Variants in CSMD3 observed in about 807,000 individuals in gnomAD.
CSMD3 encodes the protein CUB and Sushi multiple domains 3.
In CSMD3, 177 loss-of-function variants were observed where a neutral mutation model predicts 435.2. That is an observed-to-expected ratio of 0.41 (90% CI 0.36 to 0.46). The LOEUF (loss-of-function observed/expected upper bound fraction) is 0.46. CSMD3 is among the 20% of genes least tolerant of loss of function. The pLI is 0.34. For synonymous variants in CSMD3, 1,656 were observed against 1,520.5 expected, an observed-to-expected ratio of 1.09 and a Z score of -2.07; for missense variants, 4,265 against 4,504.6, an observed-to-expected ratio of 0.95 and a Z score of 1.52.
intron 3 of CSMD3, among the ~76,000 whole-genome samples, chr8:113,221,649 T>C (rs1032991981): frequency 2.0e-5 from 3 of 151,176 alleles, no homozygotes; most frequent in Non-Finnish European, 4.4e-5. Flanking sequence ...TTTTGCTGAG[T>C]TTTAGCAAGC....
intron 3 of CSMD3, among the ~76,000 whole-genome samples, chr8:113,275,085 T>C (rs1275123627): frequency 6.6e-6 from 1 of 152,122 alleles, no homozygotes; most frequent in Non-Finnish European, 1.5e-5. Context: ...ACCATCATGA[T>C]ACTATCAATA....
chr8:113,356,799 C>A (rs2094232256), intron 1 of CSMD3, among the ~76,000 whole-genome samples: 1 of 152,042 alleles, frequency 6.6e-6, no homozygotes, highest in African/African-American at 2.4e-5. Flanking sequence ...ATGACATCTA[C>A]TTAGGAGTTA....
intron 12 of CSMD3, among the ~76,000 whole-genome samples, chr8:112,811,417 C>G (rs1362266534): frequency 2.1e-5 from 3 of 140,034 alleles, no homozygotes; most frequent in Admixed American, 1.5e-4. Flanking sequence ...AAAACACTTA[C>G]AAGTTTTACA....
chr8:113,228,171 G>C (rs1393207565), intron 3 of CSMD3, among the ~76,000 whole-genome samples: 1 of 151,316 alleles, frequency 6.6e-6, no homozygotes, highest in Non-Finnish European at 1.5e-5. Flanking sequence ...AAATAAAGAA[G>C]GTTTTCCTGT....
At chr8:113,223,326 T>C (rs2092991201) in intron 3 of CSMD3, among the ~76,000 whole-genome samples, 1 of 150,466 alleles carries the variant, frequency 6.6e-6, no homozygotes, top group Non-Finnish European at 1.5e-5. Context: ...TGTTCTGATA[T>C]AAAATAATAT....
chr8:113,292,519 C>T (rs1281224122), intron 2 of CSMD3, among the ~76,000 whole-genome samples: 1 of 151,594 alleles, frequency 6.6e-6, no homozygotes, highest in Non-Finnish European at 1.5e-5. Context: ...GTAAATTGGA[C>T]AATTATATGC....
chr8:112,305,078 CT>C (rs1821295359), intron 51 of CSMD3, among the ~76,000 whole-genome samples, 163 bp from the exon 52 acceptor site: 1 of 152,142 alleles, frequency 6.6e-6, no homozygotes, highest in East Asian at 1.9e-4. Context: ...TTCCATTCCC[CT>C]AGCTATATGG....
intron 9 of CSMD3, among the ~76,000 whole-genome samples, chr8:112,932,634 A>T (rs2083149875): frequency 6.6e-6 from 1 of 152,032 alleles, no homozygotes; most frequent in African/African-American, 2.4e-5. Flanking sequence ...CGAGAAAAAA[A>T]AAAGAAAAAA....
chr8:113,207,498 T>C (rs112951884), intron 3 of CSMD3, among the ~76,000 whole-genome samples: 9,999 of 151,896 alleles, frequency 0.066, 445 homozygotes, highest in Non-Finnish European at 0.094. Flanking sequence ...TTCTGCTGCC[T>C]CAGCCTCCCA....
rs2130159147 is a variant in CSMD3, at chr8:113,436,847, C to T, written c.8G>A (p.Gly3Glu). 1.2e-6 allele frequency: 2 copies of T among 1,614,068 alleles called. No homozygotes were observed. Among genetic ancestry groups the T allele is most frequent in the Non-Finnish European group, 1.7e-6 (2 of 1,180,038 alleles). Reference sequence around the variant, plus strand: ...TGCTCGGCTTTCCCCTTTGCGGATCCCTTTCATATTATTCGCGAGCTCCTA... The same window carrying T: ...TGCTCGGCTTTCCCCTTTGCGGATCTCTTTCATATTATTCGCGAGCTCCTA... MKGIRKGESRAKE... is the reference protein window; with the variant it reads MKEIRKGESRAKE... Residue 3 changes from glycine (G) to glutamate (E), a missense_variant, in exon 1 of 71, where the codon GGG becomes GAG. Gly to Glu is a moderately conservative substitution (Grantham distance 98). Coordinates refer to ENST00000297405, the MANE Select transcript of CSMD3 (RefSeq NM_198123.2).
At chr8:112,951,472 T>G (rs1255626178) in intron 8 of CSMD3, among the ~76,000 whole-genome samples, 1 of 151,790 alleles carries the variant, frequency 6.6e-6, no homozygotes, top group African/African-American at 2.4e-5. Flanking sequence ...ACATTGTCAC[T>G]TTTCTCAGAT....
chr8:113,377,564 C>A (rs143929843), intron 1 of CSMD3, among the ~76,000 whole-genome samples: 1 of 152,074 alleles, frequency 6.6e-6, no homozygotes. Context: ...ATTTTTAATC[C>A]AAAGAAGGTA....
At chr8:112,425,217 A>C (rs1034425326) in intron 32 of CSMD3, among the ~76,000 whole-genome samples, 7 of 152,332 alleles carry the variant, frequency 4.6e-5, no homozygotes, top group African/African-American at 1.7e-4. Context: ...GACATCCTGA[A>C]AAGCTTTGTG....
chr8:112,305,493 G>C (rs1821339071), intron 51 of CSMD3, among the ~76,000 whole-genome samples: 1 of 151,874 alleles, frequency 6.6e-6, no homozygotes, highest in Non-Finnish European at 1.5e-5. Flanking sequence ...ATCTTTACCA[G>C]AATTAATGTC....
At chr8:112,959,782 G>C (rs28481615) in intron 7 of CSMD3, among the ~76,000 whole-genome samples, 19,765 of 151,798 alleles carry the variant, frequency 0.13, 2,312 homozygotes, top group African/African-American at 0.31. Context: ...TTGAGAAAGT[G>C]GCACATATCA....
At chr8:113,320,285 AAATT>A (rs1284913855) in intron 1 of CSMD3, among the ~76,000 whole-genome samples, 2 of 152,070 alleles carry the variant, frequency 1.3e-5, no homozygotes, top group Non-Finnish European at 2.9e-5. Context: ...TGTGCACTTA[AAATT>A]AACAGTGTAC....
At chr8:112,421,162 G>A (rs1812452382) in intron 32 of CSMD3, among the ~76,000 whole-genome samples, 1 of 142,252 alleles carries the variant, frequency 7.0e-6, no homozygotes, top group Admixed American at 7.4e-5. Context: ...TATGTTGAGA[G>A]TCATGTTTGC....
chr8:113,038,342 A>T (rs557360195), intron 5 of CSMD3, among the ~76,000 whole-genome samples: 1 of 152,306 alleles, frequency 6.6e-6, no homozygotes, highest in African/African-American at 2.4e-5. Context: ...TTTTTTCTTA[A>T]GCTAAGAAAC....
At chr8:112,461,624 T>G (rs1817455550) in intron 32 of CSMD3, among the ~76,000 whole-genome samples, 1 of 152,076 alleles carries the variant, frequency 6.6e-6, no homozygotes. Context: ...TGTAATGAAT[T>G]GAAAAATGCA....
Sources: allele counts gnomAD v4.1 joint callset (sites outside exome capture counted in the v4.1 genomes callset), GRCh38; gene constraint gnomAD v4.1.1; transcripts MANE v1.5; gene names NCBI Gene and HGNC (gene_info 2026-07-23, HGNC 2026-07-21).